Variants in PTPRT observed in about 807,000 individuals in gnomAD.
The protein encoded by PTPRT is receptor-type tyrosine-protein phosphatase T.
In PTPRT, 56 loss-of-function variants were observed where a neutral mutation model predicts 176.8. That is an observed-to-expected ratio of 0.32 (90% confidence interval 0.26 to 0.40). The LOEUF is 0.40. Among genes scored for constraint, PTPRT ranks in the 10% least tolerant of loss-of-function variants. The probability of loss-of-function intolerance (pLI) is 1.00; values close to 1 mark genes in which losing one functional copy is unlikely to be tolerated. For missense variants in PTPRT, 1,540 were observed against 1,908.2 expected (o/e 0.81, Z 3.60); for synonymous variants, 783 against 739.0 (o/e 1.06, Z -0.96).
chr20:42,416,304 T>C (rs1341252428), intron 9 of PTPRT, among the ~76,000 whole-genome samples: 1 of 152,106 alleles, frequency 6.6e-6, no homozygotes, highest in Non-Finnish European at 1.5e-5. Context: ...TGGAACAAAT[T>C]ATCCTTCTGA....
At chr20:42,779,334 C>T (rs1334041144) in intron 4 of PTPRT, among the ~76,000 whole-genome samples, 1 of 152,182 alleles carries the variant, frequency 6.6e-6, no homozygotes, top group African/African-American at 2.4e-5. Flanking sequence ...GACTCATGCC[C>T]ATATGGGAGG....
chr20:43,039,594 T>C (rs1307944775), intron 1 of PTPRT, among the ~76,000 whole-genome samples: 4 of 151,748 alleles, frequency 2.6e-5, no homozygotes, highest in Non-Finnish European at 5.9e-5. Context: ...CACATAAAAA[T>C]TTAAAAACAA....
intron 3 of PTPRT, among the ~76,000 whole-genome samples, chr20:42,785,069 C>T (rs192855883): frequency 3.9e-4 from 59 of 152,236 alleles, no homozygotes; most frequent in Admixed American, 8.5e-4. Context: ...ATTAGTTTGA[C>T]TAAGTCTTTC....
At chr20:43,150,045 G>A (rs1432383806) in intron 1 of PTPRT, among the ~76,000 whole-genome samples, 2 of 152,152 alleles carry the variant, frequency 1.3e-5, no homozygotes, top group African/African-American at 2.4e-5. Context: ...TTGGATCCAC[G>A]CAATAGAATC....
chr20:43,045,762 C>A (rs1986813294), intron 1 of PTPRT, among the ~76,000 whole-genome samples: 6 of 151,952 alleles, frequency 3.9e-5, no homozygotes, highest in Admixed American at 3.9e-4. Context: ...CACACCTGGA[C>A]AATCCCTACC....
At chr20:42,935,299 C>A (rs921249464) in intron 1 of PTPRT, among the ~76,000 whole-genome samples, 4 of 151,512 alleles carry the variant, frequency 2.6e-5, no homozygotes, top group African/African-American at 7.3e-5. Flanking sequence ...ACCAGCACAC[C>A]CGGCTAATTT....
the PTPRT span, among the ~76,000 whole-genome samples, chr20:42,053,035 C>T: frequency 7.2e-5 from 11 of 152,292 alleles, no homozygotes; most frequent in Middle Eastern, 3.4e-3. Flanking sequence ...ATAGATGTGG[C>T]TGTGTTCCAA....
the PTPRT span, among the ~76,000 whole-genome samples, chr20:42,056,791 A>G: frequency 6.6e-6 from 1 of 152,224 alleles, no homozygotes; most frequent in African/African-American, 2.4e-5. Flanking sequence ...AACAATAAGC[A>G]TAATCTGGGG....
At position 42,643,725 on chromosome 20, in the gene PTPRT, C is replaced by A. The variant is rs1600535075; in HGVS notation, c.1153+34141G>T. On this transcript the variant is annotated intron_variant, in intron 7 of 30. Coordinates refer to ENST00000373187, the MANE Select transcript of PTPRT (RefSeq NM_007050.6). ...CAAGCTGGGCAGCTCAGCTTCAGAG[C>A]CTCCGCCACAACCACTATGCATTGC... 3.3e-5 allele frequency among the ~76,000 whole-genome samples: 5 copies of A among 152,198 alleles called. No homozygotes were observed. The South Asian group carries it at 8.3e-4, about 25-fold the overall frequency.
intron 1 of PTPRT, among the ~76,000 whole-genome samples, chr20:43,035,213 C>T (rs1011770865): frequency 6.6e-6 from 1 of 152,126 alleles, no homozygotes. Flanking sequence ...AAGCCATGAA[C>T]ACACCTGAGG....
chr20:42,806,545 G>T (rs1317495547), intron 2 of PTPRT, among the ~76,000 whole-genome samples: 2 of 150,966 alleles, frequency 1.3e-5, no homozygotes, highest in Non-Finnish European at 2.9e-5. Context: ...AGGATTAACT[G>T]AATTAATACA....
At chr20:42,516,238 AAAACTT>A (rs11469548) in intron 7 of PTPRT, among the ~76,000 whole-genome samples, 21,329 of 151,594 alleles carry the variant, frequency 0.14, 1,567 homozygotes, top group African/African-American at 0.18. Context: ...CATGTACCCT[AAAACTT>A]AAAGTATAAT....
chr20:42,602,173 G>A (rs1237300438), intron 7 of PTPRT, among the ~76,000 whole-genome samples: 2 of 151,996 alleles, frequency 1.3e-5, no homozygotes, highest in African/African-American at 4.8e-5. Context: ...CACAACTCTG[G>A]GCCACTAACA....
intron 6 of PTPRT, among the ~76,000 whole-genome samples, chr20:42,712,466 A>G (rs1012684174): frequency 6.6e-6 from 1 of 152,244 alleles, no homozygotes; most frequent in Non-Finnish European, 1.5e-5. Context: ...TGCCAGGGAC[A>G]GTACACATCT....
At chr20:42,303,069 GA>G (rs763008254) in intron 12 of PTPRT, among the ~76,000 whole-genome samples, 3 of 152,174 alleles carry the variant, frequency 2.0e-5, no homozygotes, top group African/African-American at 7.2e-5. Flanking sequence ...ACCTCATGAA[GA>G]GGGACTTAGA....
chr20:42,058,815 C>CT, the PTPRT span, among the ~76,000 whole-genome samples: 1 of 152,090 alleles, frequency 6.6e-6, no homozygotes, highest in Non-Finnish European at 1.5e-5. Context: ...CAAACAAGGC[C>CT]TAATGAGGCC....
chr20:42,697,050 CT>C (rs976260300), intron 6 of PTPRT, among the ~76,000 whole-genome samples: 10 of 152,268 alleles, frequency 6.6e-5, no homozygotes, highest in Middle Eastern at 3.4e-3. Context: ...TATTACCAGA[CT>C]TTTTTTGTGT....
At chr20:42,551,504 AT>A (rs951421030) in intron 7 of PTPRT, among the ~76,000 whole-genome samples, 4 of 152,158 alleles carry the variant, frequency 2.6e-5, no homozygotes, top group African/African-American at 9.6e-5. Flanking sequence ...CTAAACAGAG[AT>A]TTTTTTTGTT....
chr20:42,363,290 ATATATATATATTTTT>A (rs1336265983), intron 9 of PTPRT, among the ~76,000 whole-genome samples: 13 of 25,672 alleles, frequency 5.1e-4, no homozygotes, highest in African/African-American at 1.6e-3. Flanking sequence ...ATATATATAT[ATATATATATATTTTT>A]TTTTTTTTTT....
Sources: gnomAD v4.1 joint callset for allele counts (sites outside exome capture counted in the v4.1 genomes callset) on GRCh38, gnomAD v4.1.1 for gene constraint, MANE v1.5 for transcripts, NCBI Gene and HGNC (gene_info 2026-07-23, HGNC 2026-07-21) for gene names.